ANKS1B: variants seen among roughly 807,000 people sequenced by gnomAD.
ANKS1B encodes ankyrin repeat and sterile alpha motif domain containing 1B, also known as ankyrin repeat and sterile alpha motif domain-containing protein 1B.
Under a neutral mutation model 148.3 loss-of-function variants are expected in ANKS1B, and 36 were observed. The ratio of observed to expected loss-of-function variants is 0.24; its 90% CI spans 0.19 to 0.32. The LOEUF (loss-of-function observed/expected upper bound fraction) is 0.32. Among genes scored for constraint, ANKS1B ranks in the 10% least tolerant of loss-of-function variants. The probability of loss-of-function intolerance (pLI) is 1.00; values close to 1 mark genes in which losing one functional copy is unlikely to be tolerated. For synonymous variants in ANKS1B, 542 were observed against 560.8 expected, an observed-to-expected ratio of 0.97 and a Z score of 0.47; for missense variants, 1,157 against 1,542.6, an observed-to-expected ratio of 0.75 and a Z score of 4.19.
At chr12:99,887,343 T>C (rs1187206177) in intron 1 of ANKS1B, among the ~76,000 whole-genome samples, 1 of 152,256 alleles carries the variant, frequency 6.6e-6, no homozygotes, top group Non-Finnish European at 1.5e-5. Flanking sequence ...AAAATTCTCA[T>C]TATTTGTTTA....
chr12:99,473,675 T>A (rs948889117), intron 10 of ANKS1B, among the ~76,000 whole-genome samples: 1 of 152,092 alleles, frequency 6.6e-6, no homozygotes, highest in African/African-American at 2.4e-5. Flanking sequence ...AATTTAAATG[T>A]CCCTGTTACC....
In ANKS1B at chr12:99,111,535, G is replaced by GT. The variant is rs548939276; in HGVS notation, c.2527-26513dup. On this transcript the variant is annotated intron_variant, in intron 15 of 26. Transcript: ENST00000683438. ...TATAAGCTAATGTGTATTTTAAGGT[G>GT]TTTTTTTTTTTCATAGCCAATACCT... 1.3e-3 allele frequency among the ~76,000 whole-genome samples: 189 copies of GT among 145,126 alleles called. 4 individuals are homozygous for GT. The highest frequency in any genetic ancestry group is 3.5e-3 in the South Asian group (16 of 4,604).
At chr12:98,807,409 T>C (rs2099058985) in intron 20 of ANKS1B, among the ~76,000 whole-genome samples, 1 of 152,018 alleles carries the variant, frequency 6.6e-6, no homozygotes, top group Admixed American at 6.6e-5. Context: ...TTCTCACAAG[T>C]GAAGCACATG....
chr12:99,642,391 G>A (rs571469793), intron 9 of ANKS1B, among the ~76,000 whole-genome samples: 84 of 152,204 alleles, frequency 5.5e-4, no homozygotes, highest in African/African-American at 1.6e-3. Context: ...GTAACAAACC[G>A]CCACAAACTT....
chr12:99,382,956 C>G (rs892326513), intron 12 of ANKS1B, among the ~76,000 whole-genome samples: 2 of 152,024 alleles, frequency 1.3e-5, no homozygotes, highest in African/African-American at 4.8e-5. Flanking sequence ...AGCCTCCCTG[C>G]CCCCTCCCAC....
At chr12:99,176,394 A>T (rs2078385124) in intron 14 of ANKS1B, among the ~76,000 whole-genome samples, 1 of 152,114 alleles carries the variant, frequency 6.6e-6, no homozygotes, top group Non-Finnish European at 1.5e-5. Context: ...CATTTTCACC[A>T]TGTCATTATA....
intron 17 of ANKS1B, among the ~76,000 whole-genome samples, chr12:99,021,251 GGA>G (rs2099945643): frequency 6.6e-6 from 1 of 151,908 alleles, no homozygotes; most frequent in South Asian, 2.1e-4. Flanking sequence ...TATTGACTTG[GGA>G]GAGTTTTTTT....
chr12:99,664,150 T>A (rs2098493275), intron 8 of ANKS1B, among the ~76,000 whole-genome samples: 1 of 151,166 alleles, frequency 6.6e-6, no homozygotes, highest in African/African-American at 2.5e-5. Flanking sequence ...TTAGAAAGTT[T>A]AAACTTTTTT....
chr12:99,338,597 C>T (rs1320107104), intron 12 of ANKS1B, among the ~76,000 whole-genome samples: 3 of 152,198 alleles, frequency 2.0e-5, no homozygotes, highest in Non-Finnish European at 4.4e-5. Flanking sequence ...GCAGGAGTCT[C>T]TCCTCGTGGC....
chr12:99,376,492 T>G (rs560130918), intron 12 of ANKS1B, among the ~76,000 whole-genome samples: 9 of 152,296 alleles, frequency 5.9e-5, no homozygotes, highest in African/African-American at 2.2e-4. Flanking sequence ...GCTCAAATGC[T>G]TTGTTAGGAA....
intron 9 of ANKS1B, among the ~76,000 whole-genome samples, chr12:99,531,634 T>C (rs2096992244): frequency 6.6e-6 from 1 of 152,194 alleles, no homozygotes; most frequent in Non-Finnish European, 1.5e-5. Context: ...ATTGATTCCG[T>C]ATCTTTGCAA....
At chr12:99,875,291 T>G (rs1236293716) in intron 1 of ANKS1B, among the ~76,000 whole-genome samples, 4 of 152,184 alleles carry the variant, frequency 2.6e-5, no homozygotes, top group East Asian at 3.8e-4. Flanking sequence ...AAATAAATTT[T>G]GCCAAGTCCT....
intron 17 of ANKS1B, among the ~76,000 whole-genome samples, chr12:98,995,867 G>A (rs1434754059): frequency 1.3e-5 from 2 of 152,206 alleles, no homozygotes; most frequent in Non-Finnish European, 2.9e-5. Flanking sequence ...AATGCAATCA[G>A]AGTACAGGGA....
intron 25 of ANKS1B, among the ~76,000 whole-genome samples, chr12:98,754,880 A>G (rs1477602906): frequency 6.6e-6 from 1 of 152,214 alleles, no homozygotes; most frequent in Non-Finnish European, 1.5e-5. Context: ...TTCCTGCCTA[A>G]TGGCTTCTTC....
At chr12:99,329,730 G>A (rs1184045182) in intron 12 of ANKS1B, among the ~76,000 whole-genome samples, 1 of 151,724 alleles carries the variant, frequency 6.6e-6, no homozygotes, top group Non-Finnish European at 1.5e-5. Flanking sequence ...TATTGTTCAT[G>A]TTCATTGCAA....
intron 15 of ANKS1B, among the ~76,000 whole-genome samples, chr12:99,101,523 A>G (rs971018183): frequency 1.3e-5 from 2 of 152,152 alleles, no homozygotes; most frequent in African/African-American, 4.8e-5. Flanking sequence ...TCAGGTGAGA[A>G]ATAGACTTTC....
At chr12:99,313,571 G>A (rs554563756) in intron 12 of ANKS1B, among the ~76,000 whole-genome samples, 25 of 152,256 alleles carry the variant, frequency 1.6e-4, no homozygotes, top group African/African-American at 5.5e-4. Context: ...TAGCCACCAC[G>A]ATCAAATCAG....
intron 17 of ANKS1B, among the ~76,000 whole-genome samples, chr12:98,969,609 T>G (rs1224919178): frequency 1.3e-5 from 2 of 152,180 alleles, no homozygotes; most frequent in Non-Finnish European, 2.9e-5. Flanking sequence ...GTTCTTTTTA[T>G]CAGAAAACAA....
At chr12:99,758,051 A>C (rs1041081808) in intron 8 of ANKS1B, among the ~76,000 whole-genome samples, 2 of 151,998 alleles carry the variant, frequency 1.3e-5, no homozygotes, top group African/African-American at 2.4e-5. Flanking sequence ...AAGTTTATCT[A>C]TGTAACAAAC....
Sources: gnomAD v4.1 joint callset for allele counts (sites outside exome capture counted in the v4.1 genomes callset) on GRCh38, gnomAD v4.1.1 for gene constraint, MANE v1.5 for transcripts, NCBI Gene and HGNC (gene_info 2026-07-23, HGNC 2026-07-21) for gene names.